The following PRDM16 variants were observed in gnomAD, a reference collection of about 807,000 sequenced individuals.
PRDM16 encodes PR/SET domain 16, also known as histone-lysine N-methyltransferase PRDM16.
In PRDM16, 23 loss-of-function variants were observed where a neutral mutation model predicts 110.6. The observed-to-expected ratio is 0.21, with a 90% CI of 0.15 to 0.29. PRDM16 has a LOEUF of 0.29. PRDM16 is among the 10% of genes least tolerant of loss of function. PRDM16 has a pLI of 1.00. For synonymous variants in PRDM16, 799 were observed against 781.8 expected (o/e 1.02, Z -0.37); for missense variants, 1,615 against 1,794.3 (o/e 0.90, Z 1.81).
rs559659857 is a variant in PRDM16 at position 3,195,027 on chromosome 1, G to A, written c.387+8553G>A. 1.5e-4 allele frequency among the ~76,000 whole-genome samples: 23 copies of A among 152,344 alleles called. No homozygotes were observed. In the South Asian group the frequency reaches 2.3e-3, roughly 15 times the overall value. On this transcript the variant is annotated intron_variant, in intron 2 of 16. Transcript: ENST00000270722. ...CTATGGAGGCCTCACGTCTAAAACC[G>A]TGAGCGCACCGGCCAGTGGATGCTC...
intron 2 of PRDM16, among the ~76,000 whole-genome samples, chr1:3,200,384 C>T (rs1244732698): frequency 6.6e-6 from 1 of 152,138 alleles, no homozygotes; most frequent in African/African-American, 2.4e-5. Flanking sequence ...GCTCTGCTGC[C>T]CAGGCTGGAG....
At chr1:3,225,996 T>C (rs1382502508) in intron 2 of PRDM16, among the ~76,000 whole-genome samples, 1 of 152,246 alleles carries the variant, frequency 6.6e-6, no homozygotes, top group Non-Finnish European at 1.5e-5. Context: ...TCCCAGATCA[T>C]TGTGGTGGCC....
intron 3 of PRDM16, among the ~76,000 whole-genome samples, chr1:3,270,025 G>A (rs1363438632): frequency 6.6e-6 from 1 of 150,540 alleles, no homozygotes; most frequent in African/African-American, 2.5e-5. Flanking sequence ...GACAGTCAGG[G>A]AGGACTGTCC....
chr1:3,233,146 G>A (rs1159011957), intron 2 of PRDM16, among the ~76,000 whole-genome samples: 2 of 152,226 alleles, frequency 1.3e-5, no homozygotes, highest in Non-Finnish European at 2.9e-5. Context: ...GAGCCCACCG[G>A]GCTGCCCTGG....
At position 3,432,053 on chromosome 1, in the gene PRDM16, G is replaced by A; in HGVS notation, c.3609G>A (p.Glu1203=). 1.9e-6 allele frequency: 3 copies of A among 1,614,160 alleles called. No homozygotes were observed. Among genetic ancestry groups the A allele is most frequent in the Non-Finnish European group, 2.5e-6 (3 of 1,180,014 alleles). ...GGCTGGACCTCCGCAGAGCAGCTGA[G>A]GAAGCATTTGAAGTTAAAGATGTGC... The part of the protein sequence containing the change: ...GKGLDLRRAA[E]EAFEVKDVLN... The change falls in exon 16 of 17, where the codon GAG becomes GAA. Residue 1203 remains glutamate (E), a synonymous_variant. Transcript: ENST00000270722.
intron 3 of PRDM16, among the ~76,000 whole-genome samples, chr1:3,381,939 G>T (rs1048089361): frequency 1.3e-5 from 2 of 152,226 alleles, no homozygotes; most frequent in African/African-American, 4.8e-5. Flanking sequence ...CTGCCCCACA[G>T]TGACCTCCAA....
intron 3 of PRDM16, among the ~76,000 whole-genome samples, chr1:3,355,404 C>A (rs533013409): frequency 6.6e-6 from 1 of 152,262 alleles, no homozygotes; most frequent in East Asian, 1.9e-4. Context: ...TTCAGCCTGG[C>A]GGGGGGCTTG....
intron 3 of PRDM16, among the ~76,000 whole-genome samples, chr1:3,365,705 T>C (rs1642797156): frequency 6.6e-6 from 1 of 152,210 alleles, no homozygotes; most frequent in Non-Finnish European, 1.5e-5. Context: ...AAATCCCGCC[T>C]AAGTGGCTCC....
At chr1:3,170,847 CTGTCGGG>C (rs1304729467) in intron 1 of PRDM16, among the ~76,000 whole-genome samples, 8 of 152,254 alleles carry the variant, frequency 5.3e-5, no homozygotes, top group African/African-American at 1.7e-4. Context: ...GCAGCCAGGG[CTGTCGGG>C]AGCCCATGGC....
At chr1:3,427,601 A>G (rs1309990425) in intron 14 of PRDM16, among the ~76,000 whole-genome samples, 1 of 152,116 alleles carries the variant, frequency 6.6e-6, no homozygotes, top group African/African-American at 2.4e-5. Flanking sequence ...GGAAAGAGGC[A>G]TCCAAGCAAT....
In PRDM16 at chr1:3,358,392, G is replaced by T. The variant is rs1041551283; in HGVS notation, c.439-26760G>T. Among the ~76,000 whole-genome samples the T allele has an allele frequency of 3.9e-5, 6 of 152,184 alleles. No homozygotes were observed. The highest frequency in any genetic ancestry group is 2.0e-4 in the Admixed American group (3 of 15,268). ...CCTGGGCAGTGGGTGGCAGCCATGG[G>T]GACTGATGGCAAAAGACCTCGGCGG... On this transcript the variant is annotated intron_variant, in intron 3 of 16. Transcript: ENST00000270722. This position sits in a 1 kb window ranked among gnomAD's most constrained non-coding sequence, Gnocchi z 4.0.
rs1355109695 is a variant in PRDM16, at chr1:3,434,404, G to T, written c.*593G>T. On this transcript the variant is annotated 3_prime_UTR_variant, in exon 17 of 17. Transcript: ENST00000270722. ...TGAGCTCATTTGCAAACCCGAGTCTGCCTGGGAACCCGCACTGTGCCTGGG... is the reference window on the plus strand; with the variant it reads ...TGAGCTCATTTGCAAACCCGAGTCTTCCTGGGAACCCGCACTGTGCCTGGG... 2.6e-5 allele frequency: 6 copies of T among 232,536 alleles called. No homozygotes were observed. Among genetic ancestry groups the T allele is most frequent in the Non-Finnish European group, 4.2e-5 (5 of 117,836 alleles). 14.4% of individuals were successfully genotyped at this position (232,536 alleles called of 1,614,324 possible).
intron 2 of PRDM16, among the ~76,000 whole-genome samples, chr1:3,203,692 G>T (rs1267045189): frequency 6.6e-6 from 1 of 152,186 alleles, no homozygotes; most frequent in East Asian, 1.9e-4. Context: ...GTGTGTGTCT[G>T]TGTCCACATG....
intron 2 of PRDM16, among the ~76,000 whole-genome samples, chr1:3,220,279 G>A (rs1368048757): frequency 6.6e-6 from 1 of 152,150 alleles, no homozygotes; most frequent in Non-Finnish European, 1.5e-5. Context: ...CCCCAACACC[G>A]TGGGGCCACG....
intron 2 of PRDM16, among the ~76,000 whole-genome samples, chr1:3,238,937 C>T (rs1390288833): frequency 2.0e-5 from 3 of 152,206 alleles, no homozygotes; most frequent in Non-Finnish European, 4.4e-5. Context: ...ACAGCAGGGG[C>T]GTTGCTGGTT....
intron 3 of PRDM16, among the ~76,000 whole-genome samples, chr1:3,287,772 G>A (rs1203524200): frequency 1.4e-5 from 2 of 141,924 alleles, no homozygotes; most frequent in African/African-American, 5.5e-5. Flanking sequence ...ATCGAGGATT[G>A]CATTTACCGG....
At chr1:3,199,930 A>G (rs569109164) in intron 2 of PRDM16, among the ~76,000 whole-genome samples, 283 of 152,334 alleles carry the variant, frequency 1.9e-3, no homozygotes, top group African/African-American at 6.4e-3. Context: ...CAGGACAGGG[A>G]TGTCCTTGTG....
At chr1:3,105,303 G>T (rs923123333) in intron 1 of PRDM16, among the ~76,000 whole-genome samples, 6 of 152,184 alleles carry the variant, frequency 3.9e-5, no homozygotes, top group Admixed American at 1.3e-4. Flanking sequence ...CTGACACCCC[G>T]CTTCCTCCAG....
At chr1:3,134,600 AG>A (rs1643399736) in intron 1 of PRDM16, among the ~76,000 whole-genome samples, 3 of 152,240 alleles carry the variant, frequency 2.0e-5, no homozygotes, top group Non-Finnish European at 4.4e-5. Context: ...AAGGGGAAAT[AG>A]GAAAAAGAAC....
Sources: gnomAD v4.1 joint callset for allele counts (sites outside exome capture counted in the v4.1 genomes callset) on GRCh38, gnomAD v4.1.1 for gene constraint, Gnocchi (gnomAD v3.1) non-coding constraint, MANE v1.5 for transcripts, NCBI Gene and HGNC (gene_info 2026-07-23, HGNC 2026-07-21) for gene names.